Variants in ONECUT2 observed in about 807,000 individuals in gnomAD.
ONECUT2 encodes the protein one cut homeobox 2, also known as one cut domain family member 2.
ONECUT2 carries 10 observed loss-of-function variants against 27.9 expected under a neutral mutation model. The ratio of observed to expected loss-of-function variants is 0.36; its 90% CI spans 0.22 to 0.61. The LOEUF is 0.61. Ranked by LOEUF, ONECUT2 falls within the 20% of genes least tolerant of loss-of-function variation. The pLI is 0.73. For missense variants in ONECUT2, 686 were observed against 721.0 expected, an observed-to-expected ratio of 0.95 and a Z score of 0.56; for synonymous variants, 334 against 315.1, an observed-to-expected ratio of 1.06 and a Z score of -0.64.
chr18:57,461,778 GGCCTGCACT>G (rs2050293264), intron 1 of ONECUT2, among the ~76,000 whole-genome samples: 4 of 152,208 alleles, frequency 2.6e-5, no homozygotes, highest in Middle Eastern at 3.2e-3. Context: ...CAGCCCTTCT[GGCCTGCACT>G]GCATGTGGGC....
intron 1 of ONECUT2, among the ~76,000 whole-genome samples, chr18:57,446,447 C>G (rs2050200794): frequency 6.6e-6 from 1 of 152,146 alleles, no homozygotes; most frequent in Non-Finnish European, 1.5e-5. Flanking sequence ...CCAAACATGG[C>G]TGGGGGGCTG....
chr18:57,447,384 T>C (rs905269372), intron 1 of ONECUT2, among the ~76,000 whole-genome samples: 3 of 152,230 alleles, frequency 2.0e-5, no homozygotes, highest in Non-Finnish European at 4.4e-5. Flanking sequence ...TATCTCCAGC[T>C]CTGTAGGTCT....
At position 57,436,421 on chromosome 18, in the gene ONECUT2, G is replaced by T. The variant is rs755944307; in HGVS notation, c.705G>T (p.Gly235=). 3.7e-6 allele frequency: 6 copies of T among 1,611,776 alleles called. No homozygotes were observed. The highest frequency in any genetic ancestry group is 4.2e-6 in the Non-Finnish European group (5 of 1,179,870). The change falls in exon 1 of 2, where the codon GGG becomes GGT. Residue 235 remains glycine (G), a synonymous_variant. Coordinates refer to ENST00000491143, the MANE Select transcript of ONECUT2 (RefSeq NM_004852.3). The surrounding 1 kb of genome is among the most constrained non-coding windows in gnomAD (Gnocchi z 5.9). The stretch of plus-strand genomic sequence containing the variant: ...TGGCCGCCACGCCGCTGGGCAACGG[G>T]CTAGGCGGCCTCCACAACGCGCAGC... ...SPLAATPLGN[G]LGGLHNAQQS...
At chr18:57,440,444 G>C (rs947238043) in intron 1 of ONECUT2, among the ~76,000 whole-genome samples, 1 of 152,238 alleles carries the variant, frequency 6.6e-6, no homozygotes, top group South Asian at 2.1e-4. Flanking sequence ...TTACTGCAGA[G>C]GTTTCCGCCT....
In ONECUT2 at chr18:57,459,705, C is replaced by T. The variant is rs917681369; in HGVS notation, c.1229-16732C>T. On this transcript the variant is annotated intron_variant, in intron 1 of 1. Transcript: ENST00000491143. ...TCCTGAGTAGCTGGGATTACAGGTG[C>T]TCTCCACCATGCCTGCCTAATTTTT... 5.1e-4 allele frequency among the ~76,000 whole-genome samples: 78 copies of T among 152,236 alleles called. 1 individual carries two copies. Among genetic ancestry groups the T allele is most frequent in the African/African-American group, 1.7e-3 (72 of 41,558 alleles).
rs192482489 is a variant in ONECUT2, at chr18:57,439,192, G to A, written c.1228+2248G>A. 3.3e-5 allele frequency among the ~76,000 whole-genome samples: 5 copies of A among 152,368 alleles called. No homozygotes were observed. In the East Asian group the frequency reaches 9.6e-4, roughly 29 times the overall value. On this transcript the variant is annotated intron_variant, in intron 1 of 1. Transcript: ENST00000491143. ...GTTTCAGCTTTTAAAATGATCCCAA[G>A]CGTTGCTGAGATGAGAAAGCGTGGC...
At chr18:57,468,781 T>A (rs1367475545) in intron 1 of ONECUT2, among the ~76,000 whole-genome samples, 1 of 152,260 alleles carries the variant, frequency 6.6e-6, no homozygotes, top group African/African-American at 2.4e-5. Context: ...ATTTATGGCT[T>A]ACTGAATATC....
intron 1 of ONECUT2, among the ~76,000 whole-genome samples, chr18:57,460,355 C>T (rs1195685136): frequency 6.6e-6 from 1 of 152,118 alleles, no homozygotes; most frequent in African/African-American, 2.4e-5. Context: ...AGTTTCTGAA[C>T]AATTCATCTC....
intron 1 of ONECUT2, among the ~76,000 whole-genome samples, chr18:57,472,540 G>A (rs554690774): frequency 2.7e-4 from 41 of 152,162 alleles, no homozygotes; most frequent in Non-Finnish European, 5.1e-4. Context: ...TGGGCTTGCT[G>A]TACACTTCTA....
intron 1 of ONECUT2, among the ~76,000 whole-genome samples, chr18:57,446,066 C>T (rs1179793894): frequency 6.6e-6 from 1 of 152,210 alleles, no homozygotes; most frequent in Non-Finnish European, 1.5e-5. Flanking sequence ...CTGCAAAAGC[C>T]AAAGGTCACG....
chr18:57,450,381 C>T (rs1404012419), intron 1 of ONECUT2, among the ~76,000 whole-genome samples: 5 of 152,130 alleles, frequency 3.3e-5, no homozygotes, highest in Non-Finnish European at 7.3e-5. Context: ...ACCATGCTGG[C>T]CAGGCTGGTC....
Position 57,476,571 on chromosome 18 carries a change from A to T in ONECUT2, c.1363A>T (p.Met455Leu), listed in dbSNP as rs886311202. 1.2e-6 allele frequency: 2 copies of T among 1,614,078 alleles called. No individual in the cohort carries two copies. Among genetic ancestry groups the T allele is most frequent in the African/African-American group, 2.7e-5 (2 of 74,930 alleles). Residue 455 changes from methionine (M) to leucine (L), a missense_variant, in exon 2 of 2, where the codon ATG becomes TTG. Coordinates refer to ENST00000491143, the MANE Select transcript of ONECUT2 (RefSeq NM_004852.3). ...FKENKRPSKE[M>L]QITISQQLGL... Reference sequence around the variant, plus strand: ...GGAGAACAAACGCCCGTCAAAGGAGATGCAGATCACCATTTCCCAGCAGCT... The same window carrying T: ...GGAGAACAAACGCCCGTCAAAGGAGTTGCAGATCACCATTTCCCAGCAGCT...
chr18:57,481,301 T>C lies in ONECUT2; in HGVS notation c.*4578T>C, dbSNP rs1239206761. 6.6e-6 allele frequency: 1 copy of C among 152,230 alleles called. No individual in the cohort carries two copies. Among genetic ancestry groups the C allele is most frequent in the Non-Finnish European group, 1.5e-5 (1 of 68,044 alleles). 9.4% of individuals were successfully genotyped at this position (152,230 alleles called of 1,614,324 possible). ...GAACCAGGAAGCATGGCACTTCCTC[T>C]GGAGAAATCCAGAAAGAGTTGCTTC... On this transcript the variant is annotated 3_prime_UTR_variant, in exon 2 of 2. Coordinates refer to ENST00000491143, the MANE Select transcript of ONECUT2 (RefSeq NM_004852.3).
chr18:57,446,124 G>A (rs1438271720), intron 1 of ONECUT2, among the ~76,000 whole-genome samples: 1 of 152,234 alleles, frequency 6.6e-6, no homozygotes, highest in Non-Finnish European at 1.5e-5. Context: ...GGAAGGTTGG[G>A]GTCGCATCCT....
rs994316073 is a variant in ONECUT2, at chr18:57,485,851, C to T, written c.*9128C>T. The stretch of plus-strand genomic sequence containing the variant: ...GCACCATCCTATGTGAAAGTTCCCT[C>T]CTGTCCAAACAAGCTCAAGGCCCAT... On this transcript the variant is annotated 3_prime_UTR_variant, in exon 2 of 2. Coordinates refer to ENST00000491143, the MANE Select transcript of ONECUT2 (RefSeq NM_004852.3). The T allele has an allele frequency of 6.6e-6, 1 of 152,252 alleles. No homozygotes were observed. Among genetic ancestry groups the T allele is most frequent in the African/African-American group, 2.4e-5 (1 of 41,446 alleles). The allele number at this position is 152,252 out of a possible 1,614,324, so 9.4% of individuals were successfully genotyped here.
chr18:57,476,618 C>T lies in ONECUT2; in HGVS notation c.1410C>T (p.Val470=), dbSNP rs368512413. 6.2e-7 allele frequency: 1 copy of T among 1,614,086 alleles called. No homozygotes were observed. The highest frequency in any genetic ancestry group is 1.3e-5 in the African/African-American group (1 of 74,940). ...AGCTGGGCCTGGAGCTCACAACCGTCAGCAACTTCTTCATGAACGCCCGGC... is the reference window on the plus strand; with the variant it reads ...AGCTGGGCCTGGAGCTCACAACCGTTAGCAACTTCTTCATGAACGCCCGGC... ...SQQLGLELTT[V]SNFFMNARRR... Residue 470 remains valine, a synonymous_variant, in exon 2 of 2, where the codon GTC becomes GTT. Coordinates refer to ENST00000491143, the MANE Select transcript of ONECUT2 (RefSeq NM_004852.3).
chr18:57,455,071 G>A (rs775509004), intron 1 of ONECUT2, among the ~76,000 whole-genome samples: 9 of 152,132 alleles, frequency 5.9e-5, no homozygotes, highest in African/African-American at 1.9e-4. Flanking sequence ...TAGACACCCC[G>A]GTGGTCATGA....
intron 1 of ONECUT2, among the ~76,000 whole-genome samples, chr18:57,441,773 A>G (rs548269336): frequency 6.6e-6 from 1 of 152,268 alleles, no homozygotes; most frequent in Admixed American, 6.5e-5. Context: ...CGTACTAAAA[A>G]GGCTCACGCG....
intron 1 of ONECUT2, among the ~76,000 whole-genome samples, chr18:57,475,521 A>G (rs1415766369): frequency 6.6e-6 from 1 of 152,158 alleles, no homozygotes; most frequent in Non-Finnish European, 1.5e-5. Context: ...CCAAACATTC[A>G]TTGTATCCAT....
Sources: allele counts gnomAD v4.1 joint callset (sites outside exome capture counted in the v4.1 genomes callset), GRCh38; gene constraint gnomAD v4.1.1; non-coding constraint Gnocchi (gnomAD v3.1); transcripts MANE v1.5; gene names NCBI Gene and HGNC (gene_info 2026-07-23, HGNC 2026-07-21).